The following CCDC196 variants were observed in gnomAD, a reference collection of about 807,000 sequenced individuals.
The protein encoded by CCDC196 is coiled-coil domain containing 196.
chr14:66,497,041 C>CT (rs1273175942), intron 8 of CCDC196, among the ~76,000 whole-genome samples: 2 of 152,138 alleles, frequency 1.3e-5, no homozygotes, highest in African/African-American at 2.4e-5. Context: ...CTGAACTACA[C>CT]TTCAGCAGGT....
intron 8 of CCDC196, among the ~76,000 whole-genome samples, chr14:66,492,555 T>A (rs1354574682): frequency 4.6e-5 from 7 of 152,070 alleles, no homozygotes; most frequent in Admixed American, 4.6e-4. Context: ...TTGGCCAGGC[T>A]GGTCTTGAAC....
At chr14:66,494,618 C>T (rs2057619586) in intron 8 of CCDC196, 1 of 152,040 alleles carries the variant, frequency 6.6e-6, no homozygotes, top group Non-Finnish European at 1.5e-5. Context: ...GAGTTTTCCA[C>T]AATAGAAGGT....
In CCDC196 at chr14:66,491,609, G is replaced by C; in HGVS notation, c.514-17G>C. 1 of 413,844 alleles carries C rather than the reference G, an allele frequency of 2.4e-6. No individual in the cohort carries two copies. The highest frequency in any genetic ancestry group is 4.4e-6 in the Non-Finnish European group (1 of 226,230). 25.6% of individuals were successfully genotyped at this position (413,844 alleles called of 1,614,324 possible). A position where few individuals can be genotyped will look rare whatever the true frequency, so the allele number is the denominator to read the frequency against. On this transcript the variant is annotated splice_polypyrimidine_tract_variant and intron_variant, in intron 6 of 9. Transcript: ENST00000636229. ...TCTCAATTTACTTTGTCACCCAGAG[G>C]CTCTTTCTTCCACCAGGAAAAGCAA...
intron 4 of CCDC196, 71 bp from the exon 5 acceptor site, chr14:66,490,671 C>T: frequency 5.0e-6 from 2 of 398,416 alleles, no homozygotes; most frequent in Admixed American, 4.4e-5. Context: ...AAAACCTTGA[C>T]CCATATTGGT....
chr14:66,493,739 T>C (rs567530868), intron 8 of CCDC196: 1 of 152,344 alleles, frequency 6.6e-6, no homozygotes, highest in Admixed American at 6.5e-5. Context: ...CAGTATTCTA[T>C]GCATATTTTT....
In CCDC196 at chr14:66,490,816, A is replaced by T. The variant is rs1234756972; in HGVS notation, c.426A>T (p.Gly142=). 1 of 399,870 alleles carries T rather than the reference A, an allele frequency of 2.5e-6. No homozygotes were observed. Among genetic ancestry groups the T allele is most frequent in the East Asian group, 3.6e-5 (1 of 28,100 alleles). The allele number at this position is 399,870 out of a possible 1,614,324, so 24.8% of individuals were successfully genotyped here. A position where few individuals can be genotyped will look rare whatever the true frequency, so the allele number is the denominator to read the frequency against. The change falls in exon 5 of 10, where the codon GGA becomes GGT. Residue 142 remains glycine, a synonymous_variant. Transcript: ENST00000636229. ...AAAACAAGGCAGACTTGCAGGATGG[A>T]AAGGCAAGTGGACTGCATGTACTTA... ...QTKNKADLQD[G]KAPKSPSSPR... is the part of the protein sequence containing the mutation.
intron 8 of CCDC196, among the ~76,000 whole-genome samples, chr14:66,497,092 A>G (rs1449368771): frequency 1.3e-5 from 2 of 152,168 alleles, no homozygotes; most frequent in Non-Finnish European, 2.9e-5. Flanking sequence ...TAAAATGCTG[A>G]AGGGCAGGGG....
intron 2 of CCDC196, among the ~76,000 whole-genome samples, 157 bp downstream of exon 2, chr14:66,486,966 G>C (rs2057416199): frequency 6.6e-6 from 1 of 152,000 alleles, no homozygotes; most frequent in African/African-American, 2.4e-5. Context: ...TACCAAGTCA[G>C]GGTGACAACA....
At chr14:66,487,586 G>A (rs924211512) in intron 2 of CCDC196, among the ~76,000 whole-genome samples, 2 of 152,170 alleles carry the variant, frequency 1.3e-5, no homozygotes, top group African/African-American at 4.8e-5. Context: ...AATAATTTAT[G>A]CCTTTAAGGA....
Position 66,486,389 on chromosome 14 carries a change from C to T in CCDC196, c.-114C>T, listed in dbSNP as rs540841708. On this transcript the variant is annotated 5_prime_UTR_variant, in exon 1 of 10. Coordinates refer to ENST00000636229, the MANE Select transcript of CCDC196 (RefSeq NM_001351576.1). ...TGACCTCGCTGTAGCTAAGATCAGT[C>T]CACTGCAGCAGGAGTTTCAAGAACA... is the stretch of plus-strand genomic sequence containing the variant. 2 of 397,486 alleles carry T rather than the reference C, an allele frequency of 5.0e-6. No homozygotes were observed. Among genetic ancestry groups the T allele is most frequent in the Non-Finnish European group, 8.9e-6 (2 of 225,544 alleles). The allele number at this position is 397,486 out of a possible 1,614,324, so 24.6% of individuals were successfully genotyped here.
intron 8 of CCDC196, among the ~76,000 whole-genome samples, chr14:66,493,093 G>T (rs1458709268): frequency 6.6e-6 from 1 of 152,128 alleles, no homozygotes; most frequent in Non-Finnish European, 1.5e-5. Context: ...AAAAGGACAC[G>T]AGATGGGAAA....
In CCDC196 at chr14:66,490,786, G is replaced by A. The variant is rs2057516251; in HGVS notation, c.396G>A (p.Gln132=). 5.0e-6 allele frequency: 2 copies of A among 399,540 alleles called. No individual in the cohort carries two copies. Among genetic ancestry groups the A allele is most frequent in the Non-Finnish European group, 8.8e-6 (2 of 226,152 alleles). The allele number at this position is 399,540 out of a possible 1,614,324, so 24.7% of individuals were successfully genotyped here. A position where few individuals can be genotyped will look rare whatever the true frequency, so the allele number is the denominator to read the frequency against. ...EELSDQQKAP[Q]TKNKADLQDG... ...TTAGTGATCAACAAAAAGCACCACAGACAAAAAACAAGGCAGACTTGCAGG... is the reference window on the plus strand; with the variant it reads ...TTAGTGATCAACAAAAAGCACCACAAACAAAAAACAAGGCAGACTTGCAGG... The change falls in exon 5 of 10, where the codon CAG becomes CAA. Residue 132 remains glutamine, a synonymous_variant. Coordinates refer to ENST00000636229, the MANE Select transcript of CCDC196 (RefSeq NM_001351576.1).
chr14:66,487,604 C>G (rs2057437746), intron 2 of CCDC196, among the ~76,000 whole-genome samples: 1 of 152,198 alleles, frequency 6.6e-6, no homozygotes, highest in Admixed American at 6.5e-5. Context: ...GGAATATCCT[C>G]TCTCACAAGG....
At chr14:66,496,907 C>G (rs1270004274) in intron 8 of CCDC196, 1 of 152,430 alleles carries the variant, frequency 6.6e-6, no homozygotes, top group Admixed American at 6.5e-5. Flanking sequence ...GATGAAAGCC[C>G]AGCGAAATGG....
chr14:66,493,975 T>A (rs776844408), intron 8 of CCDC196: 21 of 152,192 alleles, frequency 1.4e-4, no homozygotes, highest in Non-Finnish European at 2.6e-4. Context: ...AGCTCCAGAA[T>A]CAAATTAAGT....
At chr14:66,493,551 AG>A (rs920161436) in intron 8 of CCDC196, among the ~76,000 whole-genome samples, 1 of 152,182 alleles carries the variant, frequency 6.6e-6, no homozygotes, top group African/African-American at 2.4e-5. Flanking sequence ...TAAATTTCCT[AG>A]GTTGTTTCTC....
intron 8 of CCDC196, among the ~76,000 whole-genome samples, chr14:66,497,588 A>G (rs1462007141): frequency 1.3e-5 from 2 of 152,200 alleles, no homozygotes; most frequent in Non-Finnish European, 2.9e-5. Context: ...TTCAAATTTA[A>G]CTGGGAGTCC....
At chr14:66,486,891 A>T (rs1195715454) in intron 2 of CCDC196, 82 bp downstream of exon 2, 23 of 329,052 alleles carry the variant, frequency 7.0e-5, no homozygotes, top group Non-Finnish European at 9.1e-5. Flanking sequence ...ATTACTTACA[A>T]TTTTTTTTTT....
At chr14:66,497,723 T>A (rs2057698677) in intron 8 of CCDC196, among the ~76,000 whole-genome samples, 1 of 152,150 alleles carries the variant, frequency 6.6e-6, no homozygotes. Flanking sequence ...CCATTCTGTC[T>A]GCTTCCTCTT....
Sources: allele counts gnomAD v4.1 joint callset (sites outside exome capture counted in the v4.1 genomes callset), GRCh38; gene constraint gnomAD v4.1.1; transcripts MANE v1.5; gene names NCBI Gene and HGNC (gene_info 2026-07-23, HGNC 2026-07-21).